Variants in ST8SIA5 observed in about 807,000 individuals in gnomAD.
ST8SIA5 encodes alpha-2,8-sialyltransferase 8E.
A neutral mutation model predicts 40.2 loss-of-function variants in ST8SIA5; 24 were observed. The ratio of observed to expected loss-of-function variants is 0.60; its 90% CI spans 0.43 to 0.84. ST8SIA5 has a LOEUF of 0.84. Ranked by LOEUF, ST8SIA5 falls within the 40% of genes least tolerant of loss-of-function variation. The pLI is 0.00. For synonymous variants in ST8SIA5, 198 were observed against 201.8 expected, an observed-to-expected ratio of 0.98 and a Z score of 0.16; for missense variants, 465 against 498.5, an observed-to-expected ratio of 0.93 and a Z score of 0.64.
rs762848299 is a variant in ST8SIA5, at chr18:46,704,584, T to C, written c.212A>G (p.Lys71Arg). 6 of 1,581,240 alleles carry C rather than the reference T, an allele frequency of 3.8e-6. No homozygotes were observed. The Admixed American group carries it at 1.0e-4, about 27-fold the overall frequency. Reference protein sequence around the residue: ...LELRHEILEVKVLSMVKQSEL... With the variant: ...LELRHEILEVRVLSMVKQSEL... ...TGGCCACACTCACATGGACAGCACC[T>C]TCACTTCCAATATTTCGTGCCTCAG... The change falls in exon 2 of 7, where the codon AAG (lysine) becomes AGG (arginine). Residue 71 changes from lysine to arginine, a missense_variant. Coordinates refer to ENST00000315087, the MANE Select transcript of ST8SIA5 (RefSeq NM_013305.6).
intron 1 of ST8SIA5, among the ~76,000 whole-genome samples, chr18:46,747,995 C>T (rs1199848787): frequency 6.6e-6 from 1 of 151,954 alleles, no homozygotes; most frequent in Non-Finnish European, 1.5e-5. Context: ...ACTGCATGTT[C>T]TCACTCATAG....
chr18:46,735,329 C>T (rs1160164675), intron 1 of ST8SIA5, among the ~76,000 whole-genome samples: 1 of 152,156 alleles, frequency 6.6e-6, no homozygotes, highest in Non-Finnish European at 1.5e-5. Flanking sequence ...TAATAAACTG[C>T]CCTTTATATA....
intron 2 of ST8SIA5, among the ~76,000 whole-genome samples, chr18:46,702,835 G>A (rs2039631707): frequency 1.3e-5 from 2 of 152,258 alleles, no homozygotes; most frequent in Non-Finnish European, 2.9e-5. Flanking sequence ...TTCAGCTCAG[G>A]GCTCAGTGAA....
rs1376533173 is a variant in ST8SIA5 at position 46,756,381 on chromosome 18, T to G, written c.128A>C (p.Lys43Thr). The G allele has an allele frequency of 6.2e-7, 1 of 1,612,190 alleles. No homozygotes were observed. The highest frequency in any genetic ancestry group is 8.5e-7 in the Non-Finnish European group (1 of 1,178,828). Residue 43 changes from lysine (K) to threonine (T), a missense_variant, in exon 1 of 7, where the codon AAG becomes ACG. Coordinates refer to ENST00000315087, the MANE Select transcript of ST8SIA5 (RefSeq NM_013305.6). Reference protein sequence around the residue: ...QQILYGRNYIKRYFEFYEGPF... With the variant: ...QQILYGRNYITRYFEFYEGPF... The stretch of plus-strand genomic sequence containing the variant: ...CCCTCTCAATGGACTTTCTTACCTC[T>G]TAATGTAGTTCCTGCCATACAGGAT...
chr18:46,713,788 A>T (rs1238549569), intron 1 of ST8SIA5, among the ~76,000 whole-genome samples: 1 of 152,222 alleles, frequency 6.6e-6, no homozygotes, highest in Admixed American at 6.5e-5. Context: ...GGAAGTCATC[A>T]ATGACCTTGA....
At chr18:46,693,593 G>C (rs915299142) in intron 2 of ST8SIA5, among the ~76,000 whole-genome samples, 2 of 152,132 alleles carry the variant, frequency 1.3e-5, no homozygotes, top group African/African-American at 4.8e-5. Flanking sequence ...CATTTACATC[G>C]ACTTATTTAT....
chr18:46,733,259 A>G (rs1349405347), intron 1 of ST8SIA5, among the ~76,000 whole-genome samples: 1 of 152,218 alleles, frequency 6.6e-6, no homozygotes, highest in African/African-American at 2.4e-5. Context: ...TTTCTTTCAC[A>G]CCAAGCCAAG....
rs755571106 is a variant in ST8SIA5, at chr18:46,701,130, C to CTTTTTT, written c.224+3436_224+3441dup. Among the ~76,000 whole-genome samples, 59 of 45,820 alleles carry CTTTTTT rather than the reference C, an allele frequency of 1.3e-3. 9 individuals carry two copies. Among genetic ancestry groups the CTTTTTT allele is most frequent in the African/African-American group, 4.5e-3 (53 of 11,756 alleles). 30.1% of individuals were successfully genotyped at this position (45,820 alleles called of 152,430 possible). ...ATGAAACCGTATTTGGAGATAGGGC[C>CTTTTTT]TTTTTTTTTTTTTTTTTTTTTTTTT... On this transcript the variant is annotated intron_variant, in intron 2 of 6. Transcript: ENST00000315087.
intron 2 of ST8SIA5, among the ~76,000 whole-genome samples, chr18:46,700,933 A>T (rs1701335293): frequency 6.6e-6 from 1 of 152,120 alleles, no homozygotes; most frequent in South Asian, 2.1e-4. Context: ...GACCATGGGG[A>T]CATATGAGGT....
Position 46,670,748 on chromosome 18 carries a change from A to G in ST8SIA5, c.*9294T>C, listed in dbSNP as rs1399139897. ...TGCCTGGACATATTTTCTTATCCTT[A>G]ATGTAGTGTTTTTTTTTTTCCAAAG... On this transcript the variant is annotated 3_prime_UTR_variant, in exon 7 of 7. Coordinates refer to ENST00000315087, the MANE Select transcript of ST8SIA5 (RefSeq NM_013305.6). 5 of 150,704 alleles carry G rather than the reference A, an allele frequency of 3.3e-5. No individual in the cohort carries two copies. The East Asian group carries it at 9.8e-4, about 30-fold the overall frequency. 9.3% of individuals were successfully genotyped at this position (150,704 alleles called of 1,614,324 possible).
chr18:46,686,977 C>T (rs538911484), intron 4 of ST8SIA5, among the ~76,000 whole-genome samples: 13 of 152,268 alleles, frequency 8.5e-5, no homozygotes, highest in African/African-American at 2.9e-4. Flanking sequence ...ATCAGAGTCT[C>T]ACAGATAGGA....
At chr18:46,719,706 C>CTTTCTTTCTTTCTTTCTTTCTT (rs879729983) in intron 1 of ST8SIA5, among the ~76,000 whole-genome samples, 9 of 145,574 alleles carry the variant, frequency 6.2e-5, no homozygotes, top group Admixed American at 1.4e-4. Flanking sequence ...TTCTTTCTTT[C>CTTTCTTTCTTTCTTTCTTTCTT]TCTCTTTCTT....
At chr18:46,703,673 G>T (rs1266361477) in intron 2 of ST8SIA5, among the ~76,000 whole-genome samples, 4 of 152,102 alleles carry the variant, frequency 2.6e-5, no homozygotes, top group South Asian at 2.1e-4. Flanking sequence ...TGCCCCTGGG[G>T]TTATGTCAGG....
chr18:46,739,784 T>A (rs2040070770), intron 1 of ST8SIA5, among the ~76,000 whole-genome samples: 1 of 152,134 alleles, frequency 6.6e-6, no homozygotes, highest in African/African-American at 2.4e-5. Flanking sequence ...AGCCCTCAGC[T>A]CTCATTCCTC....
At position 46,669,133 on chromosome 18, in the gene ST8SIA5, G is replaced by C. The variant is rs1360302740; in HGVS notation, c.*10909C>G. On this transcript the variant is annotated 3_prime_UTR_variant, in exon 7 of 7. Transcript: ENST00000315087. ...CCCAAAGAGGAATGAATACGAACAGGTCCCTCCACACAGGTGCTGGGCAGG... is the reference window on the plus strand; with the variant it reads ...CCCAAAGAGGAATGAATACGAACAGCTCCCTCCACACAGGTGCTGGGCAGG... 6.6e-6 allele frequency: 1 copy of C among 152,642 alleles called. No individual in the cohort carries two copies. The highest frequency in any genetic ancestry group is 2.4e-5 in the African/African-American group (1 of 41,472). 9.5% of individuals were successfully genotyped at this position (152,642 alleles called of 1,614,324 possible). A position where few individuals can be genotyped will look rare whatever the true frequency, so the allele number is the denominator to read the frequency against.
intron 1 of ST8SIA5, among the ~76,000 whole-genome samples, chr18:46,751,091 A>T (rs1369895357): frequency 1.3e-5 from 2 of 152,100 alleles, no homozygotes; most frequent in Non-Finnish European, 2.9e-5. Context: ...ATACTTTCTC[A>T]TCTTTCCAAA....
chr18:46,737,955 G>C (rs998247889), intron 1 of ST8SIA5, among the ~76,000 whole-genome samples: 4 of 152,038 alleles, frequency 2.6e-5, no homozygotes, highest in African/African-American at 9.7e-5. Context: ...ATTTTTAGTA[G>C]AGATAGGATT....
rs760988683 is a variant in ST8SIA5, at chr18:46,719,704, T to TTCTTTCTTTCTTTCTC, written c.132-15041_132-15040insGAGAAAGAAAGAAAGA. 2.0e-4 allele frequency among the ~76,000 whole-genome samples: 29 copies of TTCTTTCTTTCTTTCTC among 143,986 alleles called. 1 individual carries two copies. The highest frequency in any genetic ancestry group is 3.5e-3 in the Middle Eastern group (1 of 288). The allele number at this position is 143,986 out of a possible 152,430, so 94.5% of individuals were successfully genotyped here. On this transcript the variant is annotated intron_variant, in intron 1 of 6. Transcript: ENST00000315087. The stretch of plus-strand genomic sequence containing the variant: ...CTTTTTTCTTTCTTTCTTTCTTTCT[T>TTCTTTCTTTCTTTCTC]TCTCTCTTTCTTTCTCTCTTTCTCT...
At chr18:46,715,292 G>C (rs547883835) in intron 1 of ST8SIA5, among the ~76,000 whole-genome samples, 1 of 152,196 alleles carries the variant, frequency 6.6e-6, no homozygotes. Context: ...CAGCCTGGAC[G>C]ATGGCATTCG....
Sources: gnomAD v4.1 joint callset for allele counts (sites outside exome capture counted in the v4.1 genomes callset) on GRCh38, gnomAD v4.1.1 for gene constraint, MANE v1.5 for transcripts, NCBI Gene and HGNC (gene_info 2026-07-23, HGNC 2026-07-21) for gene names.